TBC1D22A: variants seen among roughly 807,000 people sequenced by gnomAD.
TBC1D22A encodes putative GTPase activator.
In TBC1D22A, 38 loss-of-function variants were observed where a neutral mutation model predicts 60.2. The observed-to-expected ratio is 0.63, with a 90% CI of 0.49 to 0.83. TBC1D22A has a LOEUF of 0.83. Among genes scored for constraint, TBC1D22A ranks in the 40% least tolerant of loss-of-function variants. The pLI is 0.00. For synonymous variants in TBC1D22A, 302 were observed against 281.7 expected (o/e 1.07, Z -0.72); for missense variants, 628 against 701.0 (o/e 0.90, Z 1.18).
chr22:47,091,515 T>C (rs1306087271), intron 11 of TBC1D22A, among the ~76,000 whole-genome samples: 3 of 130,748 alleles, frequency 2.3e-5, no homozygotes, highest in Non-Finnish European at 4.7e-5. Flanking sequence ...TGCTTGTTGA[T>C]AGAGACAGGC....
intron 1 of TBC1D22A, among the ~76,000 whole-genome samples, chr22:46,786,955 T>C (rs996800090): frequency 6.6e-6 from 1 of 152,148 alleles, no homozygotes; most frequent in Non-Finnish European, 1.5e-5. Context: ...CCAAAGTGCT[T>C]GATTACAAAC....
intron 8 of TBC1D22A, among the ~76,000 whole-genome samples, chr22:46,930,061 A>G (rs1452880808): frequency 6.6e-6 from 1 of 152,110 alleles, no homozygotes; most frequent in Non-Finnish European, 1.5e-5. Context: ...GTAAACAATG[A>G]TGTGGAACCT....
chr22:47,116,716 CT>C, intron 12 of TBC1D22A: 1 of 152,536 alleles, frequency 6.6e-6, no homozygotes, highest in Non-Finnish European at 1.5e-5. Context: ...GCCTGGGAGC[CT>C]TCACCTTTGT....
At chr22:47,060,167 T>C (rs2063519381) in intron 11 of TBC1D22A, among the ~76,000 whole-genome samples, 1 of 151,964 alleles carries the variant, frequency 6.6e-6, no homozygotes, top group Non-Finnish European at 1.5e-5. Context: ...CAGAAGCCAG[T>C]GCTCTGCGTA....
chr22:46,798,254 A>G (rs1461221219), intron 4 of TBC1D22A, among the ~76,000 whole-genome samples: 1 of 152,208 alleles, frequency 6.6e-6, no homozygotes, highest in Non-Finnish European at 1.5e-5. Flanking sequence ...GGCCAGGTGG[A>G]CATCCTTGTT....
At chr22:47,076,327 A>ATG (rs199960303) in intron 11 of TBC1D22A, among the ~76,000 whole-genome samples, 8,251 of 142,220 alleles carry the variant, frequency 0.058, 286 homozygotes, top group Admixed American at 0.11. Context: ...ATATATGTAT[A>ATG]TGTGTGTGTG....
chr22:46,872,410 T>C (rs2067333186), intron 4 of TBC1D22A, among the ~76,000 whole-genome samples: 3 of 152,212 alleles, frequency 2.0e-5, no homozygotes, highest in Admixed American at 1.3e-4. Context: ...CAAAAAATTC[T>C]TTAAAAATAT....
chr22:47,157,652 G>T (rs183554419), intron 12 of TBC1D22A, among the ~76,000 whole-genome samples: 4 of 152,352 alleles, frequency 2.6e-5, no homozygotes, highest in Admixed American at 2.0e-4. Context: ...CCGTGCAGTT[G>T]CCCTTTCCGG....
intron 11 of TBC1D22A, among the ~76,000 whole-genome samples, chr22:47,102,359 C>G (rs1292015721): frequency 6.6e-6 from 1 of 152,136 alleles, no homozygotes; most frequent in Non-Finnish European, 1.5e-5. Context: ...TCCTGCTTGA[C>G]CCACCCCAGG....
chr22:46,978,795 G>C (rs1319349067), intron 9 of TBC1D22A, among the ~76,000 whole-genome samples: 1 of 151,946 alleles, frequency 6.6e-6, no homozygotes, highest in Non-Finnish European at 1.5e-5. Context: ...TTTTGTTAGA[G>C]ACAGGGTTTC....
At chr22:47,145,140 G>T (rs1166796892) in intron 12 of TBC1D22A, among the ~76,000 whole-genome samples, 1 of 152,200 alleles carries the variant, frequency 6.6e-6, no homozygotes, top group Non-Finnish European at 1.5e-5. Flanking sequence ...TACATCTGGG[G>T]CAGGTGAGGT....
At chr22:46,839,741 A>G (rs573575479) in intron 4 of TBC1D22A, among the ~76,000 whole-genome samples, 2 of 152,254 alleles carry the variant, frequency 1.3e-5, no homozygotes, top group Non-Finnish European at 2.9e-5. Flanking sequence ...TGGCATAAAA[A>G]CTGACATATA....
chr22:47,154,138 C>T (rs1303279342), intron 12 of TBC1D22A, among the ~76,000 whole-genome samples: 5 of 152,176 alleles, frequency 3.3e-5, no homozygotes, highest in Non-Finnish European at 7.4e-5. Context: ...CCAGCACTGT[C>T]TCCAGGCCAT....
Position 47,155,624 on chromosome 22 carries a change from C to T in TBC1D22A, c.1426-17874C>T, listed in dbSNP as rs368584826. Among the ~76,000 whole-genome samples, 7 of 151,592 alleles carry T rather than the reference C, an allele frequency of 4.6e-5. No individual in the cohort carries two copies. The South Asian group carries it at 8.3e-4, about 18-fold the overall frequency. On this transcript the variant is annotated intron_variant, in intron 12 of 12. Coordinates refer to ENST00000337137, the MANE Select transcript of TBC1D22A (RefSeq NM_014346.5). ...AAAGGCATGAGGGCCGGCGAGGACG[C>T]GTAACACTTGACATCACAGCAGCCT... is the stretch of plus-strand genomic sequence containing the variant.
At chr22:47,115,671 G>GT (rs2066015428) in intron 12 of TBC1D22A, among the ~76,000 whole-genome samples, 2 of 152,294 alleles carry the variant, frequency 1.3e-5, no homozygotes, top group South Asian at 4.1e-4. Context: ...GGGATCCGCT[G>GT]TCCCCTCTGT....
chr22:47,173,175 G>A (rs17822968), intron 12 of TBC1D22A, among the ~76,000 whole-genome samples: 28,006 of 152,224 alleles, frequency 0.18, 3,068 homozygotes, highest in East Asian at 0.43. Flanking sequence ...CTCAGATGCC[G>A]GACTTGGAGC....
intron 1 of TBC1D22A, among the ~76,000 whole-genome samples, chr22:46,767,208 C>A (rs924526522): frequency 4.6e-5 from 7 of 152,168 alleles, no homozygotes. Flanking sequence ...GGTAGATAGA[C>A]CCTCCTAGTC....
chr22:47,158,382 ACTT>A (rs748204879), intron 12 of TBC1D22A, among the ~76,000 whole-genome samples: 41 of 152,294 alleles, frequency 2.7e-4, no homozygotes, highest in Admixed American at 5.2e-4. Context: ...AGAGTGGAGC[ACTT>A]CTTCTTAGGA....
At chr22:47,003,483 C>T (rs758763750) in intron 10 of TBC1D22A, among the ~76,000 whole-genome samples, 9 of 148,584 alleles carry the variant, frequency 6.1e-5, no homozygotes, top group East Asian at 4.0e-4. Flanking sequence ...ACGCACCCTA[C>T]GCACACATGC....
Sources: gnomAD v4.1 joint callset for allele counts (sites outside exome capture counted in the v4.1 genomes callset) on GRCh38, gnomAD v4.1.1 for gene constraint, MANE v1.5 for transcripts, NCBI Gene and HGNC (gene_info 2026-07-23, HGNC 2026-07-21) for gene names.